PARD3B: variants seen among roughly 807,000 people sequenced by gnomAD.
PARD3B encodes the protein partitioning defective 3 homolog B.
In PARD3B, 103 loss-of-function variants were observed where a neutral mutation model predicts 130.2. The observed-to-expected ratio is 0.79, with a 90% CI of 0.67 to 0.93. The LOEUF (loss-of-function observed/expected upper bound fraction) is 0.93, where lower values mean the gene tolerates loss of function less well. Ranked by LOEUF, PARD3B falls within the 40% of genes least tolerant of loss-of-function variation. PARD3B has a pLI of 0.00. For missense variants in PARD3B, 1,609 were observed against 1,499.2 expected (o/e 1.07, Z -1.21); for synonymous variants, 583 against 553.2 (o/e 1.05, Z -0.76).
chr2:204,593,796 C>T (rs1423198441), intron 1 of PARD3B, among the ~76,000 whole-genome samples: 1 of 152,146 alleles, frequency 6.6e-6, no homozygotes, highest in Non-Finnish European at 1.5e-5. Flanking sequence ...CTGCTACTTA[C>T]ACACCTCTCT....
intron 7 of PARD3B, among the ~76,000 whole-genome samples, chr2:205,119,552 AG>A (rs1423743252): frequency 2.0e-5 from 3 of 151,938 alleles, no homozygotes; most frequent in Non-Finnish European, 2.9e-5. Flanking sequence ...GGGGCCGAGG[AG>A]GGCAGATCAT....
chr2:204,597,627 G>A (rs2033353467), intron 1 of PARD3B, among the ~76,000 whole-genome samples: 1 of 152,154 alleles, frequency 6.6e-6, no homozygotes, highest in Non-Finnish European at 1.5e-5. Flanking sequence ...ATGCTCTTAA[G>A]TGGGCCAGTC....
intron 2 of PARD3B, among the ~76,000 whole-genome samples, chr2:204,838,541 T>C (rs927356361): frequency 3.9e-5 from 6 of 152,018 alleles, no homozygotes; most frequent in Non-Finnish European, 7.4e-5. Context: ...CAAATAAAAT[T>C]TTTCTTTCAA....
At chr2:204,976,801 G>A (rs927702295) in intron 3 of PARD3B, among the ~76,000 whole-genome samples, 1 of 151,632 alleles carries the variant, frequency 6.6e-6, no homozygotes, top group Non-Finnish European at 1.5e-5. Flanking sequence ...GTAGAGACGG[G>A]GTTTCACCGT....
chr2:205,567,170 TTAA>T (rs2053369886), intron 22 of PARD3B, among the ~76,000 whole-genome samples: 5 of 152,076 alleles, frequency 3.3e-5, no homozygotes, highest in Admixed American at 2.0e-4. Context: ...GTGTGTATAT[TTAA>T]TAATATGTAT....
intron 16 of PARD3B, among the ~76,000 whole-genome samples, chr2:205,259,354 G>T (rs1322929410): frequency 6.6e-6 from 1 of 151,738 alleles, no homozygotes; most frequent in African/African-American, 2.4e-5. Context: ...GTTTTTGTTG[G>T]GTATATAAAG....
At chr2:205,574,791 T>G (rs2053686927) in intron 22 of PARD3B, among the ~76,000 whole-genome samples, 1 of 139,560 alleles carries the variant, frequency 7.2e-6, no homozygotes, top group African/African-American at 2.7e-5. Context: ...GACAAGGAGA[T>G]GGGGAAAGAA....
intron 1 of PARD3B, among the ~76,000 whole-genome samples, chr2:204,662,809 A>G (rs1230887649): frequency 6.6e-6 from 1 of 152,204 alleles, no homozygotes; most frequent in Non-Finnish European, 1.5e-5. Context: ...ACCCGCCATC[A>G]GTCCAAATGG....
chr2:204,813,097 A>C (rs952748267), intron 2 of PARD3B, among the ~76,000 whole-genome samples: 2 of 152,190 alleles, frequency 1.3e-5, no homozygotes, highest in Non-Finnish European at 2.9e-5. Flanking sequence ...GAATGGCTGG[A>C]TCATATGATC....
At chr2:204,877,979 A>G (rs1479363454) in intron 2 of PARD3B, among the ~76,000 whole-genome samples, 1 of 152,234 alleles carries the variant, frequency 6.6e-6, no homozygotes, top group Non-Finnish European at 1.5e-5. Flanking sequence ...GCCAAAATTT[A>G]TAGACAGGTT....
chr2:204,881,514 C>A (rs557660319), intron 2 of PARD3B, among the ~76,000 whole-genome samples: 25 of 151,774 alleles, frequency 1.6e-4, no homozygotes, highest in African/African-American at 6.0e-4. Context: ...CCTTTTAGCC[C>A]TGAAGGACTC....
At chr2:204,723,930 T>C (rs1350793241) in intron 2 of PARD3B, among the ~76,000 whole-genome samples, 4 of 152,162 alleles carry the variant, frequency 2.6e-5, no homozygotes, top group Admixed American at 2.0e-4. Flanking sequence ...TTTTTTCCTA[T>C]GCAAGTAATA....
At chr2:204,944,902 T>C (rs865961198) in intron 2 of PARD3B, among the ~76,000 whole-genome samples, 1 of 152,288 alleles carries the variant, frequency 6.6e-6, no homozygotes, top group Middle Eastern at 3.4e-3. Context: ...CCCACAAATT[T>C]GGGGGAGTGA....
Position 205,309,419 on chromosome 2 carries a change from G to T in PARD3B, c.2630+7718G>T, listed in dbSNP as rs2042298379. Among the ~76,000 whole-genome samples, 1 of 152,170 alleles carries T rather than the reference G, an allele frequency of 6.6e-6. No homozygotes were observed. The highest frequency in any genetic ancestry group is 6.5e-5 in the Admixed American group (1 of 15,274). ...AGGCAAAGGTATTTTTAACAATCTA[G>T]AGGCATCAACTTTTTGTTCCTAAGC... On this transcript the variant is annotated intron_variant, in intron 18 of 22. Coordinates refer to ENST00000406610, the MANE Select transcript of PARD3B (RefSeq NM_001302769.2). The surrounding 1 kb of genome is among the most constrained non-coding windows in gnomAD (Gnocchi z 4.7).
intron 15 of PARD3B, among the ~76,000 whole-genome samples, chr2:205,233,895 C>T (rs1574464380): frequency 1.3e-5 from 2 of 152,146 alleles, no homozygotes; most frequent in African/African-American, 4.8e-5. Context: ...ATGCATATGA[C>T]ATTGCAAAGC....
intron 2 of PARD3B, among the ~76,000 whole-genome samples, chr2:204,909,207 A>T (rs1286430412): frequency 1.1e-4 from 17 of 152,194 alleles, no homozygotes. Flanking sequence ...TGGGAAAGTA[A>T]TTTGGCTATA....
Position 205,615,783 on chromosome 2 carries a change from G to A in PARD3B, c.3588G>A (p.Arg1196=). Residue 1196 remains arginine, a synonymous_variant, in exon 23 of 23, where the codon CGG becomes CGA. Coordinates refer to ENST00000406610, the MANE Select transcript of PARD3B (RefSeq NM_001302769.2). The part of the protein sequence containing the change: ...DQYPYRTQDS[R]QKNPMTAAV ...ACCCTTACCGAACCCAGGATTCCCGGCAGAAGAACCCCATGACTGCAGCCG... is the reference window on the plus strand; with the variant it reads ...ACCCTTACCGAACCCAGGATTCCCGACAGAAGAACCCCATGACTGCAGCCG... 1 of 1,613,780 alleles carries A rather than the reference G, an allele frequency of 6.2e-7. No homozygotes were observed. The highest frequency in any genetic ancestry group is 8.5e-7 in the Non-Finnish European group (1 of 1,179,852).
intron 2 of PARD3B, among the ~76,000 whole-genome samples, chr2:204,771,059 G>A (rs1319233860): frequency 6.6e-6 from 1 of 152,098 alleles, no homozygotes; most frequent in African/African-American, 2.4e-5. Context: ...AAGAATTGTA[G>A]ATAAGAATAG....
intron 15 of PARD3B, among the ~76,000 whole-genome samples, chr2:205,217,810 A>G (rs2038002272): frequency 1.8e-5 from 1 of 54,148 alleles, no homozygotes; most frequent in East Asian, 9.6e-4. Flanking sequence ...ATATGTGTGT[A>G]TATATGTATA....
Sources: allele counts gnomAD v4.1 joint callset (sites outside exome capture counted in the v4.1 genomes callset), GRCh38; gene constraint gnomAD v4.1.1; non-coding constraint Gnocchi (gnomAD v3.1); transcripts MANE v1.5; gene names NCBI Gene and HGNC (gene_info 2026-07-23, HGNC 2026-07-21).